DNM3: variants seen among roughly 807,000 people sequenced by gnomAD.
The protein encoded by DNM3 is dynamin 3, also known as dynamin-3.
A neutral mutation model predicts 101.6 loss-of-function variants in DNM3; 47 were observed. That is an observed-to-expected ratio of 0.46 (90% CI 0.37 to 0.59). The LOEUF (loss-of-function observed/expected upper bound fraction) is 0.59. Among genes scored for constraint, DNM3 ranks in the 20% least tolerant of loss-of-function variants. The pLI, the probability that DNM3 is intolerant of heterozygous loss-of-function variation, is 0.00. For missense variants in DNM3, 849 were observed against 1,085.7 expected, an observed-to-expected ratio of 0.78 and a Z score of 3.06; for synonymous variants, 385 against 387.9, an observed-to-expected ratio of 0.99 and a Z score of 0.09.
chr1:172,328,661 C>T (rs946687983), intron 17 of DNM3, among the ~76,000 whole-genome samples: 3 of 151,874 alleles, frequency 2.0e-5, no homozygotes, highest in Non-Finnish European at 4.4e-5. Context: ...GAGAGGAGGG[C>T]GAGGATCAAA....
chr1:172,277,172 G>A (rs1398530836), intron 15 of DNM3, among the ~76,000 whole-genome samples: 1 of 151,972 alleles, frequency 6.6e-6, no homozygotes, highest in African/African-American at 2.4e-5. Context: ...GGATATTTCT[G>A]TTAATGATAT....
intron 12 of DNM3, among the ~76,000 whole-genome samples, chr1:172,086,206 C>T (rs748289570): frequency 2.0e-5 from 3 of 152,132 alleles, no homozygotes; most frequent in Non-Finnish European, 4.4e-5. Context: ...CTTTTGCAGA[C>T]TCCCAAGTTC....
intron 14 of DNM3, among the ~76,000 whole-genome samples, chr1:172,248,208 A>G (rs1423075499): frequency 6.6e-6 from 1 of 152,188 alleles, no homozygotes; most frequent in Non-Finnish European, 1.5e-5. Context: ...GTATGATGCT[A>G]AGCAAAATAC....
At chr1:172,055,917 T>G (rs921636677) in intron 10 of DNM3, among the ~76,000 whole-genome samples, 18 of 152,162 alleles carry the variant, frequency 1.2e-4, no homozygotes, top group Non-Finnish European at 2.5e-4. Flanking sequence ...TTTCTGCATT[T>G]CCATCTGAGG....
At chr1:172,300,677 G>A (rs2064402261) in intron 15 of DNM3, among the ~76,000 whole-genome samples, 1 of 152,180 alleles carries the variant, frequency 6.6e-6, no homozygotes, top group Admixed American at 6.5e-5. Flanking sequence ...ATGGATTAAA[G>A]ACTTAAATGT....
At position 172,036,667 on chromosome 1, in the gene DNM3, C is replaced by T. The variant is rs867887694; in HGVS notation, c.850-1652C>T. Among the ~76,000 whole-genome samples, 140 of 152,124 alleles carry T rather than the reference C, an allele frequency of 9.2e-4. 1 individual carries two copies. The highest frequency in any genetic ancestry group is 8.1e-3 in the South Asian group (39 of 4,812). On this transcript the variant is annotated intron_variant, in intron 6 of 20. Transcript: ENST00000627582. ...ATTCAAGATGGATTAAAGACTTAAA[C>T]GTTAGACCTAAAACCATAAAAACCC...
At chr1:172,058,871 C>CAA (rs200231245) in intron 10 of DNM3, among the ~76,000 whole-genome samples, 45 of 151,028 alleles carry the variant, frequency 3.0e-4, no homozygotes, top group Non-Finnish European at 4.3e-4. Context: ...GAAATAGAGA[C>CAA]AAAAAAAACC....
intron 14 of DNM3, among the ~76,000 whole-genome samples, chr1:172,191,566 G>A (rs1375168213): frequency 2.0e-5 from 3 of 152,182 alleles, no homozygotes; most frequent in Non-Finnish European, 4.4e-5. Flanking sequence ...GTCATTGGTA[G>A]CTTGATAGGG....
intron 4 of DNM3, among the ~76,000 whole-genome samples, chr1:171,990,243 G>A (rs2045547007): frequency 6.6e-6 from 1 of 152,074 alleles, no homozygotes; most frequent in African/African-American, 2.4e-5. Context: ...TGATGTTAGA[G>A]ACCTTTTTCA....
chr1:172,391,724 C>G (rs1203989248), intron 20 of DNM3, among the ~76,000 whole-genome samples: 1 of 150,612 alleles, frequency 6.6e-6, no homozygotes, highest in Non-Finnish European at 1.5e-5. Context: ...TTTTTTTTTT[C>G]AAGTTTTTTA....
intron 1 of DNM3, among the ~76,000 whole-genome samples, chr1:171,860,311 T>A (rs1190141862): frequency 6.6e-6 from 1 of 152,168 alleles, no homozygotes; most frequent in South Asian, 2.1e-4. Flanking sequence ...TTTGTGAACT[T>A]TAAATATAGA....
chr1:172,238,053 T>C (rs965461558), intron 14 of DNM3, among the ~76,000 whole-genome samples: 1 of 152,186 alleles, frequency 6.6e-6, no homozygotes, highest in Non-Finnish European at 1.5e-5. Context: ...GCCCTTTTTT[T>C]CATTACCATA....
chr1:171,939,165 T>C (rs969478981), intron 2 of DNM3, among the ~76,000 whole-genome samples: 2 of 152,164 alleles, frequency 1.3e-5, no homozygotes, highest in East Asian at 1.9e-4. Flanking sequence ...TTGAGATCAA[T>C]TTTTGCTCAA....
At chr1:172,417,677 A>G (rs2071478040), downstream of DNM3, among the ~76,000 whole-genome samples, 1 of 152,202 alleles carries the variant, frequency 6.6e-6, no homozygotes. Flanking sequence ...ACACACCAGG[A>G]CTACTCACCT....
At chr1:172,223,872 C>T (rs561556073) in intron 14 of DNM3, among the ~76,000 whole-genome samples, 7 of 152,276 alleles carry the variant, frequency 4.6e-5, no homozygotes, top group East Asian at 3.9e-4. Flanking sequence ...CCCACTGCCA[C>T]GGTCCCATTG....
chr1:172,084,816 T>C (rs1342217017), intron 12 of DNM3, among the ~76,000 whole-genome samples: 1 of 152,130 alleles, frequency 6.6e-6, no homozygotes, highest in African/African-American at 2.4e-5. Flanking sequence ...AGGAACTGCC[T>C]CCCAGATTTA....
chr1:172,235,555 A>G (rs908483564), intron 14 of DNM3, among the ~76,000 whole-genome samples: 21 of 152,218 alleles, frequency 1.4e-4, no homozygotes, highest in African/African-American at 5.1e-4. Context: ...ACGTATGTTT[A>G]TTGCGGCACT....
At position 172,291,283 on chromosome 1, in the gene DNM3, C is replaced by A. The variant is rs202231816; in HGVS notation, c.1770-17445C>A. On this transcript the variant is annotated intron_variant, in intron 15 of 20. Transcript: ENST00000627582. Reference sequence around the variant, plus strand: ...ACACGCATACATGTGCGTGTGTACACGTGTGCACGCCTGTTTTCAGATGGC... The same window carrying A: ...ACACGCATACATGTGCGTGTGTACAAGTGTGCACGCCTGTTTTCAGATGGC... 2.1e-3 allele frequency among the ~76,000 whole-genome samples: 211 copies of A among 102,678 alleles called. 2 individuals carry two copies. In the East Asian group the frequency reaches 0.061, roughly 30 times the overall value. The allele number at this position is 102,678 out of a possible 152,430, so 67.4% of individuals were successfully genotyped here.
chr1:172,174,376 A>G (rs1218677889), intron 14 of DNM3, among the ~76,000 whole-genome samples: 2 of 151,656 alleles, frequency 1.3e-5, no homozygotes, highest in Non-Finnish European at 3.0e-5. Context: ...CTGTGGATCC[A>G]TCGTGAATAT....
Sources: allele counts gnomAD v4.1 joint callset (sites outside exome capture counted in the v4.1 genomes callset), GRCh38; gene constraint gnomAD v4.1.1; transcripts MANE v1.5; gene names NCBI Gene and HGNC (gene_info 2026-07-23, HGNC 2026-07-21).